The following ACIN1 variants were observed in gnomAD, a reference collection of about 807,000 sequenced individuals.
ACIN1 encodes the protein apoptotic chromatin condensation inducer 1.
ACIN1 carries 16 observed loss-of-function variants against 146.6 expected under a neutral mutation model. That is an observed-to-expected ratio of 0.11 (90% CI 0.07 to 0.17). ACIN1 has a LOEUF of 0.17. ACIN1 is among the 10% of genes least tolerant of loss of function. The pLI is 1.00. For synonymous variants in ACIN1, 569 were observed against 582.7 expected, an observed-to-expected ratio of 0.98 and a Z score of 0.34; for missense variants, 1,357 against 1,609.3, an observed-to-expected ratio of 0.84 and a Z score of 2.68.
chr14:23,077,063 A>G (rs2047820608), intron 8 of ACIN1, among the ~76,000 whole-genome samples: 2 of 152,230 alleles, frequency 1.3e-5, no homozygotes, highest in South Asian at 4.1e-4. Context: ...CAGAATCGAC[A>G]AGGATTATAC....
At chr14:23,080,976 G>A (rs529407036) in intron 5 of ACIN1, among the ~76,000 whole-genome samples, 167 bp from the exon 6 acceptor site, 1 of 152,042 alleles carries the variant, frequency 6.6e-6, no homozygotes, top group Admixed American at 6.6e-5. Flanking sequence ...TAGCCCTTAG[G>A]GGAATCAAAA....
chr14:23,068,869 TG>T lies in ACIN1; in HGVS notation c.2265+606del. ...ACTTTAAGAGCCAAGAAGACTTCGC[TG>T]GCTCTGATGGGGGAAGCCCCCTGAA... On this transcript the variant is annotated intron_variant, in intron 9 of 18. Coordinates refer to ENST00000605057, the MANE Select transcript of ACIN1 (RefSeq NM_001386863.1). The surrounding 1 kb of genome is among the most constrained non-coding windows in gnomAD (Gnocchi z 4.3). 1 of 985,422 alleles carries T rather than the reference TG, an allele frequency of 1.0e-6. No homozygotes were observed. The highest frequency in any genetic ancestry group is 1.2e-6 in the Non-Finnish European group (1 of 829,938). The allele number at this position is 985,422 out of a possible 1,614,324, so 61.0% of individuals were successfully genotyped here.
Position 23,061,285 on chromosome 14 carries a change from GC to G in ACIN1, c.3424+12del. 6.2e-7 allele frequency: 1 copy of G among 1,613,750 alleles called. No homozygotes were observed. Among genetic ancestry groups the G allele is most frequent in the Non-Finnish European group, 8.5e-7 (1 of 1,179,772 alleles). On this transcript the variant is annotated intron_variant, in intron 17 of 18. Transcript: ENST00000605057. Reference sequence around the variant, plus strand: ...TACTAGTGGGTATGCGTACCCCATAGCTAAGTACCTACCTTTCTTCTCACTC... The same window carrying G: ...TACTAGTGGGTATGCGTACCCCATAGTAAGTACCTACCTTTCTTCTCACTC...
chr14:23,066,030 GA>G (rs752710025), intron 9 of ACIN1, 22 bp from the exon 10 acceptor site: 20 of 1,605,522 alleles, frequency 1.2e-5, no homozygotes, highest in East Asian at 6.7e-5. Flanking sequence ...AGAAAAAGGG[GA>G]AAAAAAAGAG....
rs2047506848 is a variant in ACIN1, at chr14:23,067,809, C to G, written c.2265+1667G>C. 1 of 985,770 alleles carries G rather than the reference C, an allele frequency of 1.0e-6. No individual in the cohort carries two copies. The highest frequency in any genetic ancestry group is 1.2e-6 in the Non-Finnish European group (1 of 829,982). 61.1% of individuals were successfully genotyped at this position (985,770 alleles called of 1,614,324 possible). Reference sequence around the variant, plus strand: ...GAGTCCCTTTCTCCTCTGCCTGTAACTGGGGAGGGGGTCCTCTCACCGAGT... The same window carrying G: ...GAGTCCCTTTCTCCTCTGCCTGTAAGTGGGGAGGGGGTCCTCTCACCGAGT... On this transcript the variant is annotated intron_variant, in intron 9 of 18. Transcript: ENST00000605057. The surrounding 1 kb of genome is among the most constrained non-coding windows in gnomAD (Gnocchi z 4.6).
intron 11 of ACIN1, 43 bp from the exon 12 acceptor site, chr14:23,064,300 T>A (rs766312604): frequency 1.9e-6 from 3 of 1,614,018 alleles, no homozygotes; most frequent in Non-Finnish European, 1.7e-6. Context: ...TGGGCCCATG[T>A]CTACTCCCAC....
Position 23,085,445 on chromosome 14 carries a change from T to C in ACIN1, c.437-3609A>G, listed in dbSNP as rs182873298. Among the ~76,000 whole-genome samples, 239 of 152,330 alleles carry C rather than the reference T, an allele frequency of 1.6e-3. 9 individuals carry two copies. Among genetic ancestry groups the C allele is most frequent in the Admixed American group, 0.015 (234 of 15,300 alleles). On this transcript the variant is annotated intron_variant, in intron 4 of 18. Transcript: ENST00000605057. The stretch of plus-strand genomic sequence containing the variant: ...CTCTTTATCTACCTACTGTGAATTA[T>C]ATGCTATTTATTGAATTATAATGTT...
Position 23,063,970 on chromosome 14 carries a change from T to G in ACIN1, c.2595+135A>C, listed in dbSNP as rs1320876124. Reference sequence around the variant, plus strand: ...CAGCTGGATTTGGTAGTCTGACCCCTGAAAGTGTCAGTCAACCCAACCCTC... The same window carrying G: ...CAGCTGGATTTGGTAGTCTGACCCCGGAAAGTGTCAGTCAACCCAACCCTC... On this transcript the variant is annotated intron_variant, in intron 12 of 18. Coordinates refer to ENST00000605057, the MANE Select transcript of ACIN1 (RefSeq NM_001386863.1). 3.3e-6 allele frequency: 4 copies of G among 1,221,354 alleles called. No homozygotes were observed. The African/African-American group carries it at 6.0e-5, about 18-fold the overall frequency. The allele number at this position is 1,221,354 out of a possible 1,614,324, so 75.7% of individuals were successfully genotyped here.
intron 9 of ACIN1, chr14:23,069,096 G>A (rs2047547427): frequency 2.0e-6 from 2 of 994,440 alleles, no homozygotes; most frequent in African/African-American, 1.7e-5. Context: ...ACTAGATGGC[G>A]TTGGGCTCCA....
chr14:23,067,249 GAAGAAGAAAATA>G lies in ACIN1; in HGVS notation c.2266-1253_2266-1242del, dbSNP rs1207009079. ...AAAATAAAATAAAATATTAAAAAAA[GAAGAAGAAAATA>G]AAGAAGAAAATAAACTAGGAATATG... On this transcript the variant is annotated intron_variant, in intron 9 of 18. Transcript: ENST00000605057. The surrounding 1 kb of genome is among the most constrained non-coding windows in gnomAD (Gnocchi z 4.6). 101 of 912,874 alleles carry G rather than the reference GAAGAAGAAAATA, an allele frequency of 1.1e-4. 1 individual carries two copies. The highest frequency in any genetic ancestry group is 8.6e-4 in the African/African-American group (48 of 55,756). The allele number at this position is 912,874 out of a possible 1,614,324, so 56.5% of individuals were successfully genotyped here.
At chr14:23,076,404 C>A (rs1050630884) in intron 8 of ACIN1, 12 of 152,124 alleles carry the variant, frequency 7.9e-5, no homozygotes, top group Admixed American at 2.6e-4. Context: ...ACTTGCCTAT[C>A]ATCTTATTAG....
Position 23,067,681 on chromosome 14 carries a change from A to T in ACIN1, c.2266-1673T>A, listed in dbSNP as rs1472985110. The T allele has an allele frequency of 1.0e-6, 1 of 985,782 alleles. No individual in the cohort carries two copies. The highest frequency in any genetic ancestry group is 1.2e-6 in the Non-Finnish European group (1 of 829,998). The allele number at this position is 985,782 out of a possible 1,614,324, so 61.1% of individuals were successfully genotyped here. A position where few individuals can be genotyped will look rare whatever the true frequency, so the allele number is the denominator to read the frequency against. ...AGATGGCCTGTGAGTAGCAGGAATG[A>T]TCCTTGCCTTTTATCGTGAGAGGCA... On this transcript the variant is annotated intron_variant, in intron 9 of 18. Transcript: ENST00000605057. The surrounding 1 kb of genome is among the most constrained non-coding windows in gnomAD (Gnocchi z 4.6).
chr14:23,061,501 CG>C lies in ACIN1; in HGVS notation c.3220del (p.Arg1074GlyfsTer98). The C allele has an allele frequency of 1.3e-6, 1 of 748,512 alleles. No homozygotes were observed. The allele number at this position is 748,512 out of a possible 1,614,324, so 46.4% of individuals were successfully genotyped here. On this transcript the variant is annotated frameshift_variant, in exon 17 of 19. Transcript: ENST00000605057. LOFTEE classifies it high-confidence loss of function. ...CCGTTCCTGCTCCCGCTGCTCTGCC[CG>C]GGGGTGCTGTGGTGGCTGGACCGGG... ...PPPVQPPQHP[R>X]AEQREQERAV...
chr14:23,080,064 C>T lies in ACIN1; in HGVS notation c.1271G>A (p.Ser424Asn), dbSNP rs758004284. 6.2e-7 allele frequency: 1 copy of T among 1,614,130 alleles called. No homozygotes were observed. The highest frequency in any genetic ancestry group is 8.5e-7 in the Non-Finnish European group (1 of 1,180,032). ...AGATTCTGCTTTGGTGTCTGAAGGA[C>T]TTGACAAAGGAGACAGGCCTCCTAC... ...QLVGGLSPLS[S>N]PSDTKAESPA... The change falls in exon 6 of 19, where the codon AGT (serine) becomes AAT (asparagine). Residue 424 changes from serine (S) to asparagine (N), a missense_variant. Around this residue, in one of 4 missense-constraint regions of ACIN1, gnomAD observed 771 missense variants for 746.6 expected, o/e 1.03. Transcript: ENST00000605057.
rs1305774386 is a variant in ACIN1, at chr14:23,080,693, T to TTCC, written c.639_641dup (p.Glu223dup). The TTCC allele has an allele frequency of 2.5e-6, 4 of 1,613,826 alleles. No individual in the cohort carries two copies. The South Asian group carries it at 4.4e-5, about 18-fold the overall frequency. ...CTTCCTCCTCCTCCTCCTCCTCTTC[T>TTCC]TCCTCCTCTGTTTTCAAATTTCGAT... is the stretch of plus-strand genomic sequence containing the variant. On this transcript the variant is annotated inframe_insertion, in exon 6 of 19. Coordinates refer to ENST00000605057, the MANE Select transcript of ACIN1 (RefSeq NM_001386863.1).
chr14:23,061,356 G>A lies in ACIN1; in HGVS notation c.3366C>T (p.Ser1122=), dbSNP rs1476208863. Residue 1122 remains serine, a synonymous_variant, in exon 17 of 19, where the codon TCC becomes TCT. Transcript: ENST00000605057. The part of the protein sequence containing the change: ...VREGPRSRSR[S]RDRRRKERAK... ...CACGTTCCTTGCGGCGGCGGTCACG[G>A]GACCTTGATCGGGAACGGGGCCCTT... is the stretch of plus-strand genomic sequence containing the variant. 6.2e-7 allele frequency: 1 copy of A among 1,614,138 alleles called. No individual in the cohort carries two copies. The highest frequency in any genetic ancestry group is 2.2e-5 in the East Asian group (1 of 44,884).
Position 23,059,130 on chromosome 14 carries a change from G to A in ACIN1, c.*18C>T, listed in dbSNP as rs1210133244. 4 of 1,610,924 alleles carry A rather than the reference G, an allele frequency of 2.5e-6. No homozygotes were observed. The African/African-American group carries it at 4.0e-5, about 16-fold the overall frequency. On this transcript the variant is annotated 3_prime_UTR_variant, in exon 19 of 19. Transcript: ENST00000605057. ...TGGGGCCGAGTGGCTGGTACCTGCA[G>A]CTCTAGTGTTTTCCCAGCTAGCGGC...
intron 8 of ACIN1, among the ~76,000 whole-genome samples, chr14:23,073,403 G>A (rs1187980276): frequency 6.6e-6 from 1 of 152,150 alleles, no homozygotes; most frequent in African/African-American, 2.4e-5. Context: ...TTTTTGGCTG[G>A]GCATGGTGGC....
chr14:23,095,189 C>T (rs1424791187), upstream of ACIN1: 2 of 1,614,234 alleles, frequency 1.2e-6, no homozygotes, highest in Non-Finnish European at 1.7e-6. Context: ...TTCGAACGTA[C>T]CGAGATGACC....
Sources: allele counts gnomAD v4.1 joint callset (sites outside exome capture counted in the v4.1 genomes callset), GRCh38; gene constraint gnomAD v4.1.1; regional missense constraint gnomAD v4.1.1; non-coding constraint Gnocchi (gnomAD v3.1); transcripts MANE v1.5; gene names NCBI Gene and HGNC (gene_info 2026-07-23, HGNC 2026-07-21).